Variants in TMEM217 observed in about 807,000 individuals in gnomAD.
The protein encoded by TMEM217 is transmembrane protein 217.
For missense variants in TMEM217, 204 were observed against 248.8 expected (o/e 0.82, Z 1.21); for synonymous variants, 76 against 88.3 (o/e 0.86, Z 0.78).
At chr6:37,245,763 C>T (rs1162656247) in intron 1 of TMEM217, among the ~76,000 whole-genome samples, 1 of 151,444 alleles carries the variant, frequency 6.6e-6, no homozygotes, top group Non-Finnish European at 1.5e-5. Flanking sequence ...AGGAGATCTA[C>T]TAGCCTCTCA....
At chr6:37,234,307 C>T (rs1764369068) in intron 1 of TMEM217, among the ~76,000 whole-genome samples, 2 of 152,208 alleles carry the variant, frequency 1.3e-5, no homozygotes, top group African/African-American at 4.8e-5. Flanking sequence ...TCCATGTTGG[C>T]CAGGCTGGTC....
chr6:37,218,436 C>T, exon 2 of TMEM217: 1 of 1,606,592 alleles, frequency 6.2e-7, no homozygotes. Flanking sequence ...CTCTGCCTCT[C>T]AAAGTACTGG....
intron 1 of TMEM217, among the ~76,000 whole-genome samples, chr6:37,239,696 T>C (rs1022553178): frequency 6.6e-6 from 1 of 152,122 alleles, no homozygotes; most frequent in Non-Finnish European, 1.5e-5. Context: ...GTAGAATATG[T>C]TGCTGCCAAC....
exon 4 of TMEM217, chr6:37,212,408 G>C (rs539295671): frequency 8.0e-5 from 32 of 401,370 alleles, no homozygotes; most frequent in South Asian, 5.5e-4. Flanking sequence ...CTGGCATCTG[G>C]CATGGTTCAG....
At chr6:37,229,733 T>C (rs1394257245) in intron 1 of TMEM217, among the ~76,000 whole-genome samples, 1 of 152,248 alleles carries the variant, frequency 6.6e-6, no homozygotes, top group Non-Finnish European at 1.5e-5. Context: ...ATTTAATTTC[T>C]AGTACTTCTC....
At position 37,219,013 on chromosome 6, in the gene TMEM217, C is replaced by T. The variant is rs1187057506; in HGVS notation, c.18G>A (p.Trp6Ter). 1 of 1,613,698 alleles carries T rather than the reference C, an allele frequency of 6.2e-7. No individual in the cohort carries two copies. Among genetic ancestry groups the T allele is most frequent in the Admixed American group, 1.7e-5 (1 of 60,016 alleles). ...TGCCCATTTTGGCAGTCATCCCACACCACTGCTGCTGTTTCATGCTGAGAC... is the reference window on the plus strand; with the variant it reads ...TGCCCATTTTGGCAGTCATCCCACATCACTGCTGCTGTTTCATGCTGAGAC... Residue 6 changes from tryptophan to a stop codon, truncating the protein, a stop_gained, in exon 2 of 2, where the codon TGG becomes TGA. Transcript: ENST00000357219. LOFTEE classifies it low-confidence loss of function (END_TRUNC).
At chr6:37,238,219 A>G (rs1329879574) in intron 1 of TMEM217, among the ~76,000 whole-genome samples, 1 of 151,948 alleles carries the variant, frequency 6.6e-6, no homozygotes, top group African/African-American at 2.4e-5. Context: ...TGCTGTGAAG[A>G]TTAAATGAGT....
At position 37,221,190 on chromosome 6, in the gene TMEM217, C is replaced by CTT. The variant is rs1159972171; in HGVS notation, c.-11-2151_-11-2150dup. Among the ~76,000 whole-genome samples the CTT allele has an allele frequency of 4.1e-3, 594 of 143,492 alleles. 8 individuals are homozygous for CTT. The highest frequency in any genetic ancestry group is 0.029 in the Middle Eastern group (8 of 274). 94.1% of individuals were successfully genotyped at this position (143,492 alleles called of 152,430 possible). Reference sequence around the variant, plus strand: ...TCTGGACATGTCATGTAAGTGGAGTCTTTTTTTTTTTTTTGAGACGGAGTC... The same window carrying CTT: ...TCTGGACATGTCATGTAAGTGGAGTCTTTTTTTTTTTTTTTTGAGACGGAGTC... On this transcript the variant is annotated intron_variant, in intron 1 of 1. Coordinates refer to ENST00000357219, the Ensembl canonical transcript of TMEM217.
At chr6:37,217,005 T>TAATAA (rs1763239278), downstream of TMEM217, among the ~76,000 whole-genome samples, 1 of 152,160 alleles carries the variant, frequency 6.6e-6, no homozygotes, top group Non-Finnish European at 1.5e-5. Flanking sequence ...AATTACTCAG[T>TAATAA]TATTATAGCA....
At chr6:37,215,570 C>CGAAAAAAAAAAA (rs1763146807), downstream of TMEM217, among the ~76,000 whole-genome samples, 4 of 72,376 alleles carry the variant, frequency 5.5e-5, no homozygotes, top group Admixed American at 2.1e-4. Flanking sequence ...GACTCTGTCT[C>CGAAAAAAAAAAA]AAAAAAAAAA....
chr6:37,226,816 T>C (rs972203439), intron 1 of TMEM217, among the ~76,000 whole-genome samples: 12 of 152,050 alleles, frequency 7.9e-5, no homozygotes, highest in Non-Finnish European at 1.3e-4. Context: ...TCCATCTGCC[T>C]TGGCCTCCCA....
intron 1 of TMEM217, among the ~76,000 whole-genome samples, chr6:37,224,209 G>T (rs1763686356): frequency 6.6e-6 from 1 of 150,972 alleles, no homozygotes; most frequent in African/African-American, 2.4e-5. Context: ...AAAGTGCTGG[G>T]ATTACAGGCG....
At chr6:37,231,690 T>A (rs1017198855) in intron 1 of TMEM217, among the ~76,000 whole-genome samples, 2 of 145,168 alleles carry the variant, frequency 1.4e-5, no homozygotes. Context: ...AAAAAAAAAA[T>A]TCAACAGAAA....
At chr6:37,215,398 A>C (rs1171620519), downstream of TMEM217, 9 of 1,251,964 alleles carry the variant, frequency 7.2e-6, no homozygotes, top group Admixed American at 2.6e-5. Context: ...AACATGGTGA[A>C]ACCCCATCTC....
downstream of TMEM217, chr6:37,212,916 G>C: frequency 6.5e-7 from 1 of 1,548,452 alleles, no homozygotes; most frequent in South Asian, 1.2e-5. Flanking sequence ...AGAACTGGGT[G>C]GTATTAAGGA....
At chr6:37,225,148 C>A (rs991169883) in intron 1 of TMEM217, among the ~76,000 whole-genome samples, 1 of 151,636 alleles carries the variant, frequency 6.6e-6, no homozygotes, top group Non-Finnish European at 1.5e-5. Context: ...TGCAGTGAGC[C>A]AAGATTGTGA....
chr6:37,213,763 G>A (rs182722066), downstream of TMEM217, among the ~76,000 whole-genome samples: 12 of 152,372 alleles, frequency 7.9e-5, no homozygotes, highest in Admixed American at 7.8e-4. Flanking sequence ...GGCTGGAGTA[G>A]GCTGGGCCTA....
At chr6:37,217,870 A>G (rs1288325854) in exon 2 of TMEM217, 4 of 985,756 alleles carry the variant, frequency 4.1e-6, no homozygotes, top group Non-Finnish European at 4.8e-6. Context: ...GCTTCATCTT[A>G]TTCCATTCAT....
chr6:37,235,051 T>C (rs1437181723), intron 1 of TMEM217, among the ~76,000 whole-genome samples: 1 of 152,224 alleles, frequency 6.6e-6, no homozygotes, highest in Admixed American at 6.5e-5. Context: ...CAGTATCTTC[T>C]TAACTGCAAA....
Sources: gnomAD v4.1 joint callset for allele counts (sites outside exome capture counted in the v4.1 genomes callset) on GRCh38, gnomAD v4.1.1 for gene constraint, MANE v1.5 for transcripts, NCBI Gene and HGNC (gene_info 2026-07-23, HGNC 2026-07-21) for gene names.